Variants in NKIRAS1 observed in about 807,000 individuals in gnomAD.
The protein encoded by NKIRAS1 is NF-kappa-B inhibitor-interacting Ras-like protein 1.
NKIRAS1 carries 16 observed loss-of-function variants against 19.8 expected under a neutral mutation model. That is an observed-to-expected ratio of 0.81 (90% CI 0.55 to 1.23). The LOEUF (loss-of-function observed/expected upper bound fraction) is 1.23. NKIRAS1 is among the 50% of genes most tolerant of loss of function. NKIRAS1 has a pLI of 0.00. For synonymous variants in NKIRAS1, 88 were observed against 79.0 expected, an observed-to-expected ratio of 1.11 and a Z score of -0.61; for missense variants, 184 against 220.0, an observed-to-expected ratio of 0.84 and a Z score of 1.04.
At chr3:23,910,300 C>A (rs1029557105) in intron 3 of NKIRAS1, among the ~76,000 whole-genome samples, 4 of 151,732 alleles carry the variant, frequency 2.6e-5, no homozygotes, top group African/African-American at 7.3e-5. Flanking sequence ...AGGATTACAG[C>A]CACCTGCTAC....
At chr3:23,913,040 C>CAAA (rs1169515621) in intron 1 of NKIRAS1, among the ~76,000 whole-genome samples, 48 of 47,518 alleles carry the variant, frequency 1.0e-3, no homozygotes, top group African/African-American at 2.2e-3. Flanking sequence ...GACTCCGTCT[C>CAAA]AAAAAAAAAA....
At chr3:23,937,804 TG>T (rs1440023396) in intron 1 of NKIRAS1, among the ~76,000 whole-genome samples, 1 of 152,230 alleles carries the variant, frequency 6.6e-6, no homozygotes, top group Non-Finnish European at 1.5e-5. Flanking sequence ...CTCTATTCAA[TG>T]AAGTATCTTG....
chr3:23,902,476 G>T (rs1162867854), intron 3 of NKIRAS1, among the ~76,000 whole-genome samples: 1 of 152,010 alleles, frequency 6.6e-6, no homozygotes, highest in Admixed American at 6.5e-5. Context: ...TAAGCCCTAA[G>T]GAAATTAAAG....
At chr3:23,898,073 T>C (rs368714456) in intron 4 of NKIRAS1, among the ~76,000 whole-genome samples, 40 of 152,248 alleles carry the variant, frequency 2.6e-4, no homozygotes, top group South Asian at 2.1e-3. Flanking sequence ...TGAGTGTTCA[T>C]TGACCTTTCA....
At chr3:23,944,484 A>G (rs929401360) in intron 1 of NKIRAS1, among the ~76,000 whole-genome samples, 1 of 152,248 alleles carries the variant, frequency 6.6e-6, no homozygotes, top group African/African-American at 2.4e-5. Context: ...CACTTTCCTC[A>G]GAATTCACCT....
intron 3 of NKIRAS1, among the ~76,000 whole-genome samples, chr3:23,907,404 C>T (rs1703182085): frequency 6.6e-6 from 1 of 152,106 alleles, no homozygotes; most frequent in Non-Finnish European, 1.5e-5. Flanking sequence ...TGTTGGCACC[C>T]CTAACCCGTG....
At chr3:23,908,806 G>A (rs1213642925) in intron 3 of NKIRAS1, among the ~76,000 whole-genome samples, 1 of 151,404 alleles carries the variant, frequency 6.6e-6, no homozygotes, top group Admixed American at 6.6e-5. Flanking sequence ...TGGAACCACA[G>A]GCACATGCCA....
At chr3:23,896,780 C>G (rs1368695210) in intron 4 of NKIRAS1, among the ~76,000 whole-genome samples, 2 of 151,052 alleles carry the variant, frequency 1.3e-5, no homozygotes, top group Admixed American at 6.6e-5. Context: ...TCAAGACTAG[C>G]CTGAACAACA....
In NKIRAS1 at chr3:23,925,550, C is replaced by T. The variant is rs528055930; in HGVS notation, c.-139-14100G>A. 1.4e-4 allele frequency among the ~76,000 whole-genome samples: 22 copies of T among 152,286 alleles called. No individual in the cohort carries two copies. The East Asian group carries it at 4.0e-3, about 28-fold the overall frequency. ...TCAGGAGGCTAAGGTGGGAGAATCA[C>T]CTGAGCTTGGGAAGTTGAAGCTGCG... On this transcript the variant is annotated intron_variant, in intron 1 of 4. Coordinates refer to the NKIRAS1 transcript ENST00000421515.
At chr3:23,919,970 G>A (rs1704981099), upstream of NKIRAS1, 1 of 988,366 alleles carries the variant, frequency 1.0e-6, no homozygotes, top group Admixed American at 6.0e-5. Flanking sequence ...AATTGCCTCA[G>A]CCTCCACAGT....
rs572192315 is a variant in NKIRAS1 at position 23,929,444 on chromosome 3, T to G, written c.-140+16879A>C. Reference sequence around the variant, plus strand: ...ATTTGTTTATTTATTTATTTATTTTTGAGACAGGGTCTCGCTCTGTCACCC... The same window carrying G: ...ATTTGTTTATTTATTTATTTATTTTGGAGACAGGGTCTCGCTCTGTCACCC... On this transcript the variant is annotated intron_variant, in intron 1 of 4. Coordinates refer to the NKIRAS1 transcript ENST00000421515. Among the ~76,000 whole-genome samples, 355 of 152,284 alleles carry G rather than the reference T, an allele frequency of 2.3e-3. 1 individual carries two copies. The highest frequency in any genetic ancestry group is 8.1e-3 in the African/African-American group (335 of 41,554).
chr3:23,924,228 A>G (rs1705169515), intron 1 of NKIRAS1: 1 of 152,224 alleles, frequency 6.6e-6, no homozygotes, highest in Non-Finnish European at 1.5e-5. Flanking sequence ...GCTTAGCCCT[A>G]ACTAATTCAA....
At chr3:23,908,513 T>C (rs1394627398) in intron 3 of NKIRAS1, among the ~76,000 whole-genome samples, 2 of 152,324 alleles carry the variant, frequency 1.3e-5, no homozygotes, top group Non-Finnish European at 1.5e-5. Flanking sequence ...GATATGATAA[T>C]TGCCTTCTAT....
intron 1 of NKIRAS1, among the ~76,000 whole-genome samples, chr3:23,942,494 C>T (rs2125272340): frequency 6.6e-6 from 1 of 152,310 alleles, no homozygotes; most frequent in South Asian, 2.1e-4. Flanking sequence ...TGCAACGGCA[C>T]GATCTCGGCT....
chr3:23,931,665 G>A (rs773923027), intron 1 of NKIRAS1, among the ~76,000 whole-genome samples: 24 of 151,794 alleles, frequency 1.6e-4, no homozygotes, highest in Non-Finnish European at 2.6e-4. Context: ...CCACCAATAC[G>A]CCCAATAAGT....
chr3:23,907,566 T>C (rs1384612113), intron 3 of NKIRAS1, among the ~76,000 whole-genome samples: 1 of 152,210 alleles, frequency 6.6e-6, no homozygotes, highest in Non-Finnish European at 1.5e-5. Flanking sequence ...TCCACTGTGT[T>C]GATATTTGTA....
chr3:23,909,873 T>G (rs956803493), intron 3 of NKIRAS1, among the ~76,000 whole-genome samples: 3 of 151,068 alleles, frequency 2.0e-5, no homozygotes, highest in Admixed American at 6.6e-5. Flanking sequence ...TGTTTTTTTT[T>G]TTTTGAGATG....
chr3:23,899,135 G>C (rs1184769017), intron 4 of NKIRAS1, among the ~76,000 whole-genome samples: 1 of 152,168 alleles, frequency 6.6e-6, no homozygotes, highest in East Asian at 1.9e-4. Context: ...TTATAAAAAT[G>C]GAGATCAGAT....
At chr3:23,930,457 ATAAG>A (rs1240310101) in intron 1 of NKIRAS1, among the ~76,000 whole-genome samples, 2 of 88,622 alleles carry the variant, frequency 2.3e-5, no homozygotes, top group Non-Finnish European at 5.6e-5. Flanking sequence ...TAAAAGATAA[ATAAG>A]CCGCCAAAAA....
Sources: gnomAD v4.1 joint callset for allele counts (sites outside exome capture counted in the v4.1 genomes callset) on GRCh38, gnomAD v4.1.1 for gene constraint, MANE v1.5 for transcripts, NCBI Gene and HGNC (gene_info 2026-07-23, HGNC 2026-07-21) for gene names.